PRKG1: variants seen among roughly 807,000 people sequenced by gnomAD.
PRKG1 encodes protein kinase cGMP-dependent 1.
In PRKG1, 35 loss-of-function variants were observed where a neutral mutation model predicts 88.1. That is an observed-to-expected ratio of 0.40 (90% CI 0.30 to 0.53). PRKG1 has a LOEUF of 0.53. PRKG1 is among the 20% of genes least tolerant of loss of function. The probability of loss-of-function intolerance (pLI) is 0.59; values close to 1 mark genes in which losing one functional copy is unlikely to be tolerated. For missense variants in PRKG1, 540 were observed against 839.8 expected, an observed-to-expected ratio of 0.64 and a Z score of 4.41; for synonymous variants, 303 against 292.5, an observed-to-expected ratio of 1.04 and a Z score of -0.37.
At chr10:52,076,724 A>T (rs1846638269) in intron 7 of PRKG1, among the ~76,000 whole-genome samples, 1 of 152,196 alleles carries the variant, frequency 6.6e-6, no homozygotes, top group Non-Finnish European at 1.5e-5. Context: ...AGAGCTCTCA[A>T]ATCTCAATAA....
chr10:51,744,325 TC>T (rs1837522793), intron 3 of PRKG1, among the ~76,000 whole-genome samples: 1 of 152,220 alleles, frequency 6.6e-6, no homozygotes, highest in Non-Finnish European at 1.5e-5. Flanking sequence ...GGGACTTGAA[TC>T]CATGGAGGCT....
rs917162131 is a variant in PRKG1, at chr10:51,365,404, G to T, written c.479-102319G>T. On this transcript the variant is annotated intron_variant, in intron 2 of 17. Transcript: ENST00000373980. Reference sequence around the variant, plus strand: ...CAAGGAATCAAATTATAATCAGAAGGCAGTTAGTATAATGTCATGAGATAA... The same window carrying T: ...CAAGGAATCAAATTATAATCAGAAGTCAGTTAGTATAATGTCATGAGATAA... Among the ~76,000 whole-genome samples, 6 of 151,986 alleles carry T rather than the reference G, an allele frequency of 3.9e-5. No individual in the cohort carries two copies. The South Asian group carries it at 1.2e-3, about 32-fold the overall frequency.
intron 2 of PRKG1, among the ~76,000 whole-genome samples, chr10:51,292,767 T>C (rs1454864270): frequency 6.6e-6 from 1 of 152,202 alleles, no homozygotes; most frequent in East Asian, 1.9e-4. Flanking sequence ...GCACCTTATA[T>C]CAACATTTAT....
At chr10:52,291,067 C>A (rs1589763252) in intron 17 of PRKG1, among the ~76,000 whole-genome samples, 2 of 151,362 alleles carry the variant, frequency 1.3e-5, no homozygotes, top group African/African-American at 4.8e-5. Context: ...GGATTGTAGG[C>A]AAGTGCCACC....
intron 3 of PRKG1, among the ~76,000 whole-genome samples, chr10:51,771,191 T>A (rs1314398638): frequency 6.6e-6 from 1 of 152,152 alleles, no homozygotes; most frequent in Non-Finnish European, 1.5e-5. Flanking sequence ...ACCTAATCAA[T>A]GTATCTAAAG....
At chr10:52,211,516 T>G (rs997925684) in intron 9 of PRKG1, among the ~76,000 whole-genome samples, 4 of 152,068 alleles carry the variant, frequency 2.6e-5, no homozygotes, top group Non-Finnish European at 5.9e-5. Context: ...ATGCATGCGT[T>G]TAGAAATTGC....
In PRKG1 at chr10:51,425,668, T is replaced by TTGGCTAGTTTCAGCTTC. The variant is rs557271023; in HGVS notation, c.479-42052_479-42036dup. On this transcript the variant is annotated intron_variant, in intron 2 of 17. Transcript: ENST00000373980. ...AGCTGTAAATGATCAGAATCAGGCC[T>TTGGCTAGTTTCAGCTTC]TGGCTAGTTTCAGCTTCTGCCAAGC... is the stretch of plus-strand genomic sequence containing the variant. Among the ~76,000 whole-genome samples, 43 of 152,330 alleles carry TTGGCTAGTTTCAGCTTC rather than the reference T, an allele frequency of 2.8e-4. No homozygotes were observed. The East Asian group carries it at 8.3e-3, about 29-fold the overall frequency.
chr10:51,047,800 AC>A (rs1389298559), intron 1 of PRKG1, among the ~76,000 whole-genome samples: 1 of 152,220 alleles, frequency 6.6e-6, no homozygotes, highest in African/African-American at 2.4e-5. Flanking sequence ...AATGAAAAAA[AC>A]AAGATATACC....
At chr10:52,052,489 C>T (rs1035237305) in intron 5 of PRKG1, among the ~76,000 whole-genome samples, 15 of 151,952 alleles carry the variant, frequency 9.9e-5, no homozygotes, top group Admixed American at 2.6e-4. Context: ...GTCCCAGCTA[C>T]TTGGGAGGCT....
chr10:51,976,696 A>G (rs1005022747), intron 5 of PRKG1, among the ~76,000 whole-genome samples: 3 of 152,020 alleles, frequency 2.0e-5, no homozygotes, highest in African/African-American at 7.2e-5. Flanking sequence ...TGATGGTTGT[A>G]CAACTCTTTG....
intron 10 of PRKG1, among the ~76,000 whole-genome samples, chr10:52,255,272 A>C (rs1195971905): frequency 6.6e-6 from 1 of 152,080 alleles, no homozygotes; most frequent in Non-Finnish European, 1.5e-5. Context: ...TACAAATTAC[A>C]AGTGAAAATT....
At chr10:51,107,038 G>A (rs543576297) in intron 1 of PRKG1, among the ~76,000 whole-genome samples, 1 of 152,176 alleles carries the variant, frequency 6.6e-6, no homozygotes, top group Non-Finnish European at 1.5e-5. Flanking sequence ...ATTGAGTGGG[G>A]TAAGAGGATG....
chr10:51,506,687 C>G (rs1841215825), intron 3 of PRKG1, among the ~76,000 whole-genome samples: 1 of 152,122 alleles, frequency 6.6e-6, no homozygotes, highest in South Asian at 2.1e-4. Context: ...AATAGGGACA[C>G]TTTTACACTG....
chr10:52,224,675 A>G (rs1207524364), intron 9 of PRKG1, among the ~76,000 whole-genome samples: 1 of 149,870 alleles, frequency 6.7e-6, no homozygotes, highest in African/African-American at 2.5e-5. Context: ...TAGCTCCCAC[A>G]TATCAGTGAG....
At chr10:50,994,957 A>G (rs1240269719) in intron 1 of PRKG1, among the ~76,000 whole-genome samples, 1 of 152,218 alleles carries the variant, frequency 6.6e-6, no homozygotes, top group Non-Finnish European at 1.5e-5. Flanking sequence ...AGTGTATGAA[A>G]GGATGTGTGT....
intron 2 of PRKG1, among the ~76,000 whole-genome samples, chr10:51,229,912 G>A (rs1314963913): frequency 1.4e-5 from 2 of 139,016 alleles, no homozygotes; most frequent in Non-Finnish European, 3.0e-5. Flanking sequence ...CTGGGTTACA[G>A]GGTGAGGCGA....
intron 5 of PRKG1, among the ~76,000 whole-genome samples, chr10:51,926,872 A>G (rs1312440222): frequency 6.8e-6 from 1 of 148,108 alleles, no homozygotes; most frequent in Non-Finnish European, 1.5e-5. Context: ...TGTTAAGACG[A>G]TATGTAGTTC....
intron 4 of PRKG1, among the ~76,000 whole-genome samples, chr10:51,883,903 A>C (rs1841496961): frequency 6.6e-6 from 1 of 152,120 alleles, no homozygotes; most frequent in Admixed American, 6.5e-5. Context: ...AGTAGAAATA[A>C]GAGACAAAAA....
intron 3 of PRKG1, among the ~76,000 whole-genome samples, chr10:51,702,887 G>T (rs943896684): frequency 3.9e-5 from 6 of 151,964 alleles, no homozygotes; most frequent in African/African-American, 1.5e-4. Context: ...TAGAGACGGG[G>T]TTTCACCGTG....
Sources: allele counts gnomAD v4.1 joint callset (sites outside exome capture counted in the v4.1 genomes callset), GRCh38; gene constraint gnomAD v4.1.1; transcripts MANE v1.5; gene names NCBI Gene and HGNC (gene_info 2026-07-23, HGNC 2026-07-21).